The following THTPA variants were observed in gnomAD, a reference collection of about 807,000 sequenced individuals.
THTPA encodes thiamine-triphosphatase.
In THTPA, 16 loss-of-function variants were observed where a neutral mutation model predicts 16.5. The ratio of observed to expected loss-of-function variants is 0.97; its 90% confidence interval spans 0.66 to 1.47. The LOEUF (loss-of-function observed/expected upper bound fraction) is 1.47. Among genes scored for constraint, THTPA ranks in the 40% most tolerant of loss-of-function variants. The pLI, the probability that THTPA is intolerant of heterozygous loss-of-function variation, is 0.00. For synonymous variants in THTPA, 110 were observed against 115.5 expected, an observed-to-expected ratio of 0.95 and a Z score of 0.30; for missense variants, 281 against 280.9, an observed-to-expected ratio of 1.00 and a Z score of 0.00.
the THTPA span, among the ~76,000 whole-genome samples, chr14:23,518,413 G>A: frequency 2.0e-5 from 3 of 152,198 alleles, no homozygotes; most frequent in South Asian, 2.1e-4. This position sits in a 1 kb window ranked among gnomAD's most constrained non-coding sequence, Gnocchi z 4.5. Context: ...ATACTCCAGG[G>A]CTGGAAGGGT....
At chr14:23,532,424 T>C in the THTPA span, 13 of 1,014,320 alleles carry the variant, frequency 1.3e-5, no homozygotes, top group African/African-American at 2.1e-4. Flanking sequence ...GTTACCCTGG[T>C]ACATATGTCA....
chr14:23,532,475 AG>A, the THTPA span: 1 of 1,374,388 alleles, frequency 7.3e-7, no homozygotes, highest in Non-Finnish European at 9.4e-7. Flanking sequence ...TTTGTCACCC[AG>A]GGTTTTCCTA....
the THTPA span, chr14:23,523,291 G>A: frequency 1.1e-4 from 157 of 1,441,706 alleles, no homozygotes; most frequent in African/African-American, 2.0e-3. This position sits in a 1 kb window ranked among gnomAD's most constrained non-coding sequence, Gnocchi z 4.1. Flanking sequence ...GCAAGGTTGG[G>A]GCAGCCCCGA....
chr14:23,560,226 G>A lies in THTPA; in HGVS notation c.*1386G>A, dbSNP rs553322737. ...TGGCCTTTTCTCCTGGAGTCCCCAGGCCACCTCTGAACTCTGATCTTTACA... is the reference window on the plus strand; with the variant it reads ...TGGCCTTTTCTCCTGGAGTCCCCAGACCACCTCTGAACTCTGATCTTTACA... On this transcript the variant is annotated 3_prime_UTR_variant, in exon 2 of 2. Coordinates refer to ENST00000288014, the MANE Select transcript of THTPA (RefSeq NM_024328.6). 1.2e-6 allele frequency: 2 copies of A among 1,610,482 alleles called. No homozygotes were observed. Among genetic ancestry groups the A allele is most frequent in the African/African-American group, 2.7e-5 (2 of 74,954 alleles).
the THTPA span, among the ~76,000 whole-genome samples, chr14:23,516,294 G>T: frequency 6.6e-6 from 1 of 152,186 alleles, no homozygotes; most frequent in Admixed American, 6.5e-5. Flanking sequence ...TCCAATCAGG[G>T]TTTCCCTTGC....
the THTPA span, chr14:23,528,690 T>C: frequency 1.0e-6 from 1 of 985,244 alleles, no homozygotes. Flanking sequence ...TTATTTTCCA[T>C]CTTTCTTTTT....
rs1319992134 is a variant in THTPA at position 23,559,606 on chromosome 14, G to A, written c.*766G>A. The stretch of plus-strand genomic sequence containing the variant: ...TCTCAGGCTTTATTGGGCTTTATTT[G>A]TGGGAGAAGGGGGCTGGTCCCCAGT... On this transcript the variant is annotated 3_prime_UTR_variant, in exon 2 of 2. Coordinates refer to ENST00000288014, the MANE Select transcript of THTPA (RefSeq NM_024328.6). 2 of 681,772 alleles carry A rather than the reference G, an allele frequency of 2.9e-6. No individual in the cohort carries two copies. Among genetic ancestry groups the A allele is most frequent in the Admixed American group, 5.1e-5 (2 of 38,988 alleles). 42.2% of individuals were successfully genotyped at this position (681,772 alleles called of 1,614,324 possible).
At chr14:23,555,856 C>G (rs888179462), upstream of THTPA, 1 of 152,288 alleles carries the variant, frequency 6.6e-6, no homozygotes, top group African/African-American at 2.4e-5. Flanking sequence ...TCCTTGCACC[C>G]GACTCTCCCC....
At chr14:23,531,698 C>T in the THTPA span, 50 of 1,376,374 alleles carry the variant, frequency 3.6e-5, no homozygotes, top group African/African-American at 1.5e-4. Flanking sequence ...CCCCTGCCTC[C>T]GCTCCCTCCA....
At chr14:23,554,877 T>C (rs1882233751), upstream of THTPA, among the ~76,000 whole-genome samples, 1 of 152,142 alleles carries the variant, frequency 6.6e-6, no homozygotes, top group Non-Finnish European at 1.5e-5. Context: ...GTCAGACATA[T>C]AGTTAGAGTC....
At chr14:23,513,132 C>T in the THTPA span, 2 of 152,352 alleles carry the variant, frequency 1.3e-5, no homozygotes, top group East Asian at 1.9e-4. Flanking sequence ...CTCCCCTCTC[C>T]CCATCCCCCC....
rs570047623 is a variant in THTPA, at chr14:23,559,853, A to C, written c.*1013A>C. The C allele has an allele frequency of 6.2e-7, 1 of 1,614,060 alleles. No individual in the cohort carries two copies. The highest frequency in any genetic ancestry group is 1.3e-5 in the African/African-American group (1 of 75,030). ...CGCAGCTTTAGCCGCAGGGGGGCCT[A>C]GGAATAGGAGAGCAGGGACCAGGGT... On this transcript the variant is annotated 3_prime_UTR_variant, in exon 2 of 2. Coordinates refer to ENST00000288014, the MANE Select transcript of THTPA (RefSeq NM_024328.6).
chr14:23,536,200 T>C, the THTPA span, among the ~76,000 whole-genome samples: 1 of 152,160 alleles, frequency 6.6e-6, no homozygotes, highest in Admixed American at 6.5e-5. Flanking sequence ...CCCGCTACAG[T>C]GTATTTTCTC....
At chr14:23,521,312 A>G in the THTPA span, 1 of 152,448 alleles carries the variant, frequency 6.6e-6, no homozygotes, top group Non-Finnish European at 1.5e-5. Context: ...GCCAGCCTCC[A>G]GTTTGGTTAG....
chr14:23,531,904 G>T, the THTPA span: 1 of 775,214 alleles, frequency 1.3e-6, no homozygotes, highest in Non-Finnish European at 1.7e-6. Flanking sequence ...AGCCTCCCGA[G>T]TAGCTGGGAT....
chr14:23,526,948 G>GAAA, the THTPA span: 1 of 1,526,234 alleles, frequency 6.6e-7, no homozygotes, highest in Non-Finnish European at 8.7e-7. Context: ...CACTTTGGTT[G>GAAA]TAAATGTCAT....
At chr14:23,519,946 G>A in the THTPA span, among the ~76,000 whole-genome samples, 2 of 152,194 alleles carry the variant, frequency 1.3e-5, no homozygotes, top group African/African-American at 4.8e-5. Context: ...AGGGACAAGA[G>A]TAGTAGGAAA....
At chr14:23,515,260 G>C in the THTPA span, among the ~76,000 whole-genome samples, 1 of 152,188 alleles carries the variant, frequency 6.6e-6, no homozygotes, top group African/African-American at 2.4e-5. Flanking sequence ...ATTCTGCCTT[G>C]TGCCTTGTGA....
At chr14:23,512,597 G>A in the THTPA span, among the ~76,000 whole-genome samples, 2 of 135,036 alleles carry the variant, frequency 1.5e-5, no homozygotes, top group African/African-American at 2.8e-5. Context: ...AGCTGAGAAC[G>A]GGGTCCCCTC....
Sources: gnomAD v4.1 joint callset for allele counts (sites outside exome capture counted in the v4.1 genomes callset) on GRCh38, gnomAD v4.1.1 for gene constraint, Gnocchi (gnomAD v3.1) non-coding constraint, MANE v1.5 for transcripts, NCBI Gene and HGNC (gene_info 2026-07-23, HGNC 2026-07-21) for gene names.